Variants in CASP6 observed in about 807,000 individuals in gnomAD.
CASP6 encodes caspase 6, also known as caspase-6.
In CASP6, 20 loss-of-function variants were observed where a neutral mutation model predicts 31.8. The observed-to-expected ratio is 0.63, with a 90% CI of 0.44 to 0.91. CASP6 has a LOEUF of 0.91. Among genes scored for constraint, CASP6 ranks in the 40% least tolerant of loss-of-function variants. CASP6 has a pLI of 0.00. For missense variants in CASP6, 328 were observed against 361.1 expected (o/e 0.91, Z 0.74); for synonymous variants, 130 against 127.8 (o/e 1.02, Z -0.12).
At chr4:109,682,664 A>T in the CASP6 span, 1 of 1,613,166 alleles carries the variant, frequency 6.2e-7, no homozygotes. Flanking sequence ...TGCATTTAGA[A>T]GAGTCTCAGA....
intron 6 of CASP6, among the ~76,000 whole-genome samples, chr4:109,690,451 A>G (rs1489081804): frequency 6.6e-6 from 1 of 151,830 alleles, no homozygotes; most frequent in Non-Finnish European, 1.5e-5. Flanking sequence ...GAGCCTGAGA[A>G]ATTGAGGCTG....
At chr4:109,694,236 C>G (rs115385799) in intron 5 of CASP6, among the ~76,000 whole-genome samples, 1 of 152,168 alleles carries the variant, frequency 6.6e-6, no homozygotes, top group Non-Finnish European at 1.5e-5. Flanking sequence ...TCAGCAGGTA[C>G]GCTTTCCAAT....
chr4:109,667,582 T>C, the CASP6 span, among the ~76,000 whole-genome samples: 2 of 151,228 alleles, frequency 1.3e-5, no homozygotes, highest in East Asian at 1.9e-4. Context: ...CTCAATTTCA[T>C]TGGTTTCTAC....
the CASP6 span, among the ~76,000 whole-genome samples, chr4:109,672,778 T>C: frequency 3.3e-5 from 5 of 152,170 alleles, no homozygotes; most frequent in African/African-American, 4.8e-5. Context: ...AGCTAACCAT[T>C]ATCTGGTACA....
chr4:109,703,345 C>T lies in CASP6; in HGVS notation c.40+11G>A, dbSNP rs1222109302. 1.9e-6 allele frequency: 3 copies of T among 1,607,870 alleles called. No individual in the cohort carries two copies. Among genetic ancestry groups the T allele is most frequent in the Admixed American group, 3.4e-5 (2 of 59,416 alleles). ...GACCTGCTCGGTGCCCAGTCGACGC[C>T]CCCTGCCTACCTGCCGGGTGCCCCC... is the stretch of plus-strand genomic sequence containing the variant. On this transcript the variant is annotated intron_variant, in intron 1 of 6. Coordinates refer to ENST00000265164, the MANE Select transcript of CASP6 (RefSeq NM_001226.4).
Position 109,689,479 on chromosome 4 carries a change from A to ACTC in CASP6, c.730_732dup (p.Glu244dup). 3.1e-6 allele frequency: 5 copies of ACTC among 1,614,118 alleles called. No individual in the cohort carries two copies. The highest frequency in any genetic ancestry group is 3.4e-6 in the Non-Finnish European group (4 of 1,180,030). ...TTCACCAGTGTGAGGAGTTCTGTGA[A>ACTC]CTCTAAGGAGGAGCCATATTTTCCC... On this transcript the variant is annotated inframe_insertion, in exon 7 of 7. Transcript: ENST00000265164.
chr4:109,687,952 G>T (rs5030605), downstream of CASP6: 1,387 of 169,152 alleles, frequency 8.2e-3, 31 homozygotes, highest in African/African-American at 0.03. Context: ...CAGAGACCAG[G>T]TCTTGCCAAA....
intron 6 of CASP6, among the ~76,000 whole-genome samples, chr4:109,690,192 AAAAT>A (rs1007220150): frequency 6.7e-5 from 10 of 149,786 alleles, no homozygotes; most frequent in Non-Finnish European, 1.3e-4. Flanking sequence ...AAAAAAAAAA[AAAAT>A]ACACACACAC....
chr4:109,705,997 AAAAAATATATATATATATATATATAT>A (rs1370446064), upstream of CASP6, among the ~76,000 whole-genome samples: 38 of 47,454 alleles, frequency 8.0e-4, 1 homozygote, highest in Non-Finnish European at 9.3e-4. Flanking sequence ...AAAAAAAAAA[AAAAAATATATATATATATATATATAT>A]ATATATATAA....
At chr4:109,664,565 C>T in the CASP6 span, among the ~76,000 whole-genome samples, 1 of 152,034 alleles carries the variant, frequency 6.6e-6, no homozygotes, top group Non-Finnish European at 1.5e-5. Flanking sequence ...GCTGGGACTA[C>T]CTGCATGCAC....
chr4:109,700,441 G>A (rs1326760388), intron 1 of CASP6, among the ~76,000 whole-genome samples: 3 of 152,264 alleles, frequency 2.0e-5, no homozygotes, highest in Non-Finnish European at 4.4e-5. Flanking sequence ...AGGATCTCTT[G>A]AGCCCAAGAG....
chr4:109,682,596 G>A, the CASP6 span: 1 of 1,608,576 alleles, frequency 6.2e-7, no homozygotes, highest in East Asian at 2.2e-5. Flanking sequence ...ACCAAGTAAT[G>A]AGCACACTGC....
intron 5 of CASP6, 148 bp from the exon 6 acceptor site, chr4:109,691,157 A>T (rs1427944591): frequency 2.6e-6 from 2 of 777,544 alleles, no homozygotes; most frequent in African/African-American, 1.8e-5. Flanking sequence ...TCAGGTTTGG[A>T]GGGCACAAAA....
At chr4:109,684,463 T>C, downstream of CASP6, 4 of 1,612,092 alleles carry the variant, frequency 2.5e-6, no homozygotes, top group Non-Finnish European at 3.4e-6. Flanking sequence ...GAATAGAAGC[T>C]CATTCGGAAG....
rs1185995382 is a variant in CASP6, at chr4:109,698,224, T to C, written c.83+76A>G. 6 of 1,483,628 alleles carry C rather than the reference T, an allele frequency of 4.0e-6. No homozygotes were observed. In the Admixed American group the frequency reaches 1.3e-4, roughly 32 times the overall value. 91.9% of individuals were successfully genotyped at this position (1,483,628 alleles called of 1,614,324 possible). The stretch of plus-strand genomic sequence containing the variant: ...TTTACTTCCTAGCTCCCAGGACCCA[T>C]TCTTGCTTTGATTTCTGTAGGCTGA... On this transcript the variant is annotated intron_variant, in intron 2 of 6. Coordinates refer to ENST00000265164, the MANE Select transcript of CASP6 (RefSeq NM_001226.4).
chr4:109,698,125 T>C (rs988425562), intron 2 of CASP6, among the ~76,000 whole-genome samples, 175 bp downstream of exon 2: 29 of 152,124 alleles, frequency 1.9e-4, no homozygotes, highest in African/African-American at 6.3e-4. Flanking sequence ...TCCGGGTCCC[T>C]CGACAACCAG....
chr4:109,675,122 TTCTC>T, the CASP6 span, among the ~76,000 whole-genome samples: 5 of 152,256 alleles, frequency 3.3e-5, no homozygotes, highest in African/African-American at 1.2e-4. Context: ...AAAAGAATAA[TTCTC>T]TCTCATTTTT....
At chr4:109,699,926 GAAAATT>G (rs1223002498) in intron 1 of CASP6, among the ~76,000 whole-genome samples, 1 of 152,146 alleles carries the variant, frequency 6.6e-6, no homozygotes, top group African/African-American at 2.4e-5. Context: ...ATAACTTCAA[GAAAATT>G]AAATCCATAT....
chr4:109,708,117 G>T (rs2126164546), upstream of CASP6, among the ~76,000 whole-genome samples: 1 of 152,266 alleles, frequency 6.6e-6, no homozygotes, highest in African/African-American at 2.4e-5. Flanking sequence ...TTATTTGGGA[G>T]AGAAAAAATC....
Sources: allele counts gnomAD v4.1 joint callset (sites outside exome capture counted in the v4.1 genomes callset), GRCh38; gene constraint gnomAD v4.1.1; transcripts MANE v1.5; gene names NCBI Gene and HGNC (gene_info 2026-07-23, HGNC 2026-07-21).